CC2D2A: variants seen among roughly 807,000 people sequenced by gnomAD.
The protein encoded by CC2D2A is coiled-coil and C2 domain-containing protein 2A.
In CC2D2A, 155 loss-of-function variants were observed where a neutral mutation model predicts 212.9. The ratio of observed to expected loss-of-function variants is 0.73; its 90% CI spans 0.64 to 0.83. The LOEUF is 0.83. CC2D2A is among the 40% of genes least tolerant of loss of function. CC2D2A has a pLI of 0.00. For missense variants in CC2D2A, 1,856 were observed against 1,956.2 expected, an observed-to-expected ratio of 0.95 and a Z score of 0.97; for synonymous variants, 667 against 686.5, an observed-to-expected ratio of 0.97 and a Z score of 0.44.
Position 15,601,148 on chromosome 4 carries a change from C to CTT in CC2D2A, c.4675-89_4675-88insTT, listed in dbSNP as rs532555651. The CTT allele has an allele frequency of 0.21, 113,065 of 544,708 alleles. 7,571 individuals carry two copies. The highest frequency in any genetic ancestry group is 0.28 in the Admixed American group (5,181 of 18,590). 33.7% of individuals were successfully genotyped at this position (544,708 alleles called of 1,614,324 possible). On this transcript the variant is annotated intron_variant, in intron 36 of 36. Coordinates refer to ENST00000424120, the MANE Select transcript of CC2D2A (RefSeq NM_001378615.1). ...ACAAGCAAATAACTGAGATCCAGAA[C>CTT]ACTTATCTTAATTGCATACATTTAC... is the stretch of plus-strand genomic sequence containing the variant.
chr4:15,571,753 C>A (rs1720179999), intron 28 of CC2D2A, among the ~76,000 whole-genome samples: 1 of 152,112 alleles, frequency 6.6e-6, no homozygotes, highest in African/African-American at 2.4e-5. Flanking sequence ...ATTTACATTT[C>A]CTTCTCTGAA....
At position 15,599,538 on chromosome 4, in the gene CC2D2A, A is replaced by C. The variant is rs201316005; in HGVS notation, c.4506A>C (p.Lys1502Asn). Residue 1502 changes from lysine to asparagine, a missense_variant, in exon 36 of 37, where the codon AAA becomes AAC. Coordinates refer to ENST00000424120, the MANE Select transcript of CC2D2A (RefSeq NM_001378615.1). ...AAAELQDRIE[K>N]ILKEKIMDWR... Reference sequence around the variant, plus strand: ...TATGTTTTGTGAACAGGATTGAAAAAATACTAAAAGAAAAAATCATGGACT... The same window carrying C: ...TATGTTTTGTGAACAGGATTGAAAACATACTAAAAGAAAAAATCATGGACT... 11 of 1,561,530 alleles carry C rather than the reference A, an allele frequency of 7.0e-6. No individual in the cohort carries two copies. The African/African-American group carries it at 1.4e-4, about 19-fold the overall frequency.
At chr4:15,475,269 G>A (rs745431190) in intron 1 of CC2D2A, among the ~76,000 whole-genome samples, 16 of 152,292 alleles carry the variant, frequency 1.1e-4, no homozygotes, top group African/African-American at 1.7e-4. Context: ...GTGAGACTTC[G>A]TCTCAAAAGA....
In CC2D2A at chr4:15,557,327, TG is replaced by T. The variant is rs1447155539; in HGVS notation, c.2650del (p.Val884SerfsTer22). 1 of 1,613,148 alleles carries T rather than the reference TG, an allele frequency of 6.2e-7. No individual in the cohort carries two copies. Among genetic ancestry groups the T allele is most frequent in the Non-Finnish European group, 8.5e-7 (1 of 1,179,480 alleles). On this transcript the variant is annotated frameshift_variant, in exon 21 of 37. Transcript: ENST00000424120. LOFTEE classifies it high-confidence loss of function. ...ISVATSGESY[V>X]PDFFRLEQLQ... ...AGGTTGCTACCAGTGGTGAATCCTA[TG>T]TCCCTGATTTCTTTAGACTGGAGCA...
At chr4:15,556,983 T>C (rs1719311138) in intron 20 of CC2D2A, among the ~76,000 whole-genome samples, 1 of 152,228 alleles carries the variant, frequency 6.6e-6, no homozygotes, top group Admixed American at 6.5e-5. Context: ...TTATTTCTAG[T>C]AGGCACCTCG....
chr4:15,548,803 G>A (rs1334349780), intron 17 of CC2D2A, among the ~76,000 whole-genome samples: 1 of 152,114 alleles, frequency 6.6e-6, no homozygotes, highest in East Asian at 1.9e-4. Context: ...TCCCATCAGA[G>A]TTGTGAACCA....
At chr4:15,555,325 C>A in intron 20 of CC2D2A, 115 bp downstream of exon 20, 2 of 1,308,872 alleles carry the variant, frequency 1.5e-6, no homozygotes, top group African/African-American at 2.9e-5. Flanking sequence ...GGGTTGAATG[C>A]CAAGTTTGAA....
chr4:15,474,946 T>C (rs950116611), intron 1 of CC2D2A, among the ~76,000 whole-genome samples: 2 of 152,126 alleles, frequency 1.3e-5, no homozygotes, highest in Non-Finnish European at 2.9e-5. Flanking sequence ...TGTTGAAAAA[T>C]TGAGCAACAG....
chr4:15,506,540 T>C (rs1716265338), intron 6 of CC2D2A, among the ~76,000 whole-genome samples: 1 of 152,188 alleles, frequency 6.6e-6, no homozygotes, highest in African/African-American at 2.4e-5. Context: ...GCCCAAGGCT[T>C]GCCTATACAC....
intron 4 of CC2D2A, chr4:15,481,652 C>T: frequency 2.8e-6 from 1 of 352,826 alleles, no homozygotes; most frequent in Non-Finnish European, 4.0e-6. Context: ...CAGATGCTGG[C>T]ACCATGCTTA....
chr4:15,560,428 TGG>T, intron 22 of CC2D2A, 101 bp from the exon 23 acceptor site: 1 of 615,558 alleles, frequency 1.6e-6, no homozygotes, highest in Non-Finnish European at 2.9e-6. Flanking sequence ...GCTGGAGGAC[TGG>T]GGGGACACTG....
At chr4:15,482,680 C>T (rs996835069) in intron 4 of CC2D2A, among the ~76,000 whole-genome samples, 24 of 152,110 alleles carry the variant, frequency 1.6e-4, no homozygotes, top group African/African-American at 5.8e-4. Flanking sequence ...CTTCAACATA[C>T]AGATTTTCAG....
intron 18 of CC2D2A, 31 bp downstream of exon 18, chr4:15,551,011 C>T: frequency 6.6e-7 from 1 of 1,524,700 alleles, no homozygotes; most frequent in South Asian, 1.2e-5. Context: ...CAATGGTTCA[C>T]TGTTTCATTG....
At position 15,502,489 on chromosome 4, in the gene CC2D2A, G is replaced by T. The variant is rs566281691; in HGVS notation, c.308G>T (p.Arg103Leu). The T allele has an allele frequency of 1.9e-6, 3 of 1,607,692 alleles. No individual in the cohort carries two copies. The highest frequency in any genetic ancestry group is 2.3e-5 in the South Asian group (2 of 88,542). The change falls in exon 5 of 37, where the codon CGC (arginine) becomes CTC (leucine). Residue 103 changes from arginine (R) to leucine (L), a missense_variant. Arg to Leu is a moderately radical substitution (Grantham distance 102, BLOSUM62 -2). Transcript: ENST00000424120. ...TTTGCAGAATTTTCCATGAGGGGACGCATGAGGGAGAAATTGCAAGCAGCG... is the reference window on the plus strand; with the variant it reads ...TTTGCAGAATTTTCCATGAGGGGACTCATGAGGGAGAAATTGCAAGCAGCG... ...TGFAEFSMRG[R>L]MREKLQAARS...
Position 15,527,655 on chromosome 4 carries a change from A to C in CC2D2A, c.1358A>C (p.Lys453Thr), listed in dbSNP as rs763542166. ...AACAAGGCGAAATTTCTTACTGATA[A>C]GGTACATGTGATTTCTTCCATAATG... Reference protein sequence around the residue: ...QRNKAKFLTDKLQALRNAVQT... With the variant: ...QRNKAKFLTDTLQALRNAVQT... Residue 453 changes from lysine to threonine, a missense_variant and splice_region_variant, in exon 12 of 37, where the codon AAG (lysine) becomes ACG (threonine). Lys to Thr is a moderately conservative substitution (Grantham distance 78). Transcript: ENST00000424120. The C allele has an allele frequency of 6.3e-7, 1 of 1,598,446 alleles. No homozygotes were observed. Among genetic ancestry groups the C allele is most frequent in the Non-Finnish European group, 8.5e-7 (1 of 1,171,350 alleles).
At chr4:15,500,182 T>C (rs530001220) in intron 4 of CC2D2A, among the ~76,000 whole-genome samples, 9 of 150,922 alleles carry the variant, frequency 6.0e-5, no homozygotes, top group Middle Eastern at 3.4e-3. Context: ...TTACTGAATA[T>C]CAGTTATTTC....
intron 13 of CC2D2A, among the ~76,000 whole-genome samples, chr4:15,531,807 G>A (rs1391150598): frequency 6.6e-6 from 1 of 152,092 alleles, no homozygotes; most frequent in Non-Finnish European, 1.5e-5. Context: ...AAATATATCA[G>A]AAAGCCTGAA....
intron 28 of CC2D2A, among the ~76,000 whole-genome samples, chr4:15,572,380 A>G (rs1420940666): frequency 1.3e-5 from 2 of 152,144 alleles, no homozygotes; most frequent in African/African-American, 2.4e-5. Context: ...AGAGAAAACT[A>G]TTGAACTTTT....
chr4:15,559,803 G>GTTATTTAT (rs564732212), intron 22 of CC2D2A, among the ~76,000 whole-genome samples: 1 of 151,614 alleles, frequency 6.6e-6, no homozygotes, highest in Non-Finnish European at 1.5e-5. Context: ...TATTTAAGAG[G>GTTATTTAT]TTATTTATTT....
Sources: allele counts gnomAD v4.1 joint callset (sites outside exome capture counted in the v4.1 genomes callset), GRCh38; gene constraint gnomAD v4.1.1; transcripts MANE v1.5; gene names NCBI Gene and HGNC (gene_info 2026-07-23, HGNC 2026-07-21).